Variants in PSD3 observed in about 807,000 individuals in gnomAD.
The protein encoded by PSD3 is pleckstrin and Sec7 domain containing 3, also known as PH and SEC7 domain-containing protein 3.
A neutral mutation model predicts 105.5 loss-of-function variants in PSD3; 49 were observed. That is an observed-to-expected ratio of 0.46 (90% confidence interval 0.37 to 0.59). The LOEUF (loss-of-function observed/expected upper bound fraction) is 0.59. Among genes scored for constraint, PSD3 ranks in the 20% least tolerant of loss-of-function variants. PSD3 has a pLI of 0.00. For synonymous variants in PSD3, 557 were observed against 457.8 expected, an observed-to-expected ratio of 1.22 and a Z score of -2.77; for missense variants, 1,561 against 1,263.8, an observed-to-expected ratio of 1.24 and a Z score of -3.57.
intron 10 of PSD3, among the ~76,000 whole-genome samples, chr8:18,635,696 A>G (rs112458885): frequency 0.044 from 6,704 of 152,228 alleles, 209 homozygotes; most frequent in East Asian, 0.089. Context: ...ATGGAATACT[A>G]TGGAGTCATA....
Position 18,611,277 on chromosome 8 carries a change from T to C in PSD3, c.2411-10843A>G, listed in dbSNP as rs184184963. On this transcript the variant is annotated intron_variant, in intron 11 of 15. Transcript: ENST00000327040. ...AAAAAAAAAAAAAAAAAGGTTTTTC[T>C]TTTAACCTTCACCTTTTGTACAGTA... is the stretch of plus-strand genomic sequence containing the variant. Among the ~76,000 whole-genome samples, 36 of 152,102 alleles carry C rather than the reference T, an allele frequency of 2.4e-4. 1 individual carries two copies. In the East Asian group the frequency reaches 6.4e-3, roughly 27 times the overall value.
chr8:18,932,661 T>C (rs894808678), intron 2 of PSD3, among the ~76,000 whole-genome samples: 15 of 152,224 alleles, frequency 9.9e-5, no homozygotes, highest in Non-Finnish European at 2.2e-4. Flanking sequence ...TTTCCTCACC[T>C]ACTTATTTTT....
At chr8:18,967,316 C>T (rs927614844) in intron 1 of PSD3, among the ~76,000 whole-genome samples, 6 of 151,966 alleles carry the variant, frequency 3.9e-5, no homozygotes, top group African/African-American at 1.2e-4. Flanking sequence ...CCACCATGCC[C>T]GGCTAATTTT....
chr8:18,831,481 G>T (rs1449229387), intron 4 of PSD3, among the ~76,000 whole-genome samples: 1 of 152,146 alleles, frequency 6.6e-6, no homozygotes, highest in Non-Finnish European at 1.5e-5. Context: ...CAGCACTTTG[G>T]GAGGCCGAGG....
At chr8:19,071,350 C>T (rs1478739445) in intron 1 of PSD3, among the ~76,000 whole-genome samples, 1 of 151,910 alleles carries the variant, frequency 6.6e-6, no homozygotes, top group Non-Finnish European at 1.5e-5. Flanking sequence ...TTCTTTATTT[C>T]TTAATGAATT....
At chr8:18,968,638 A>G (rs1017040216) in intron 1 of PSD3, among the ~76,000 whole-genome samples, 2 of 152,174 alleles carry the variant, frequency 1.3e-5, no homozygotes, top group Non-Finnish European at 2.9e-5. Flanking sequence ...GCACTTTGGG[A>G]GACCGAGGCA....
intron 2 of PSD3, among the ~76,000 whole-genome samples, chr8:18,925,567 G>C (rs1821308725): frequency 1.3e-5 from 2 of 151,970 alleles, no homozygotes; most frequent in South Asian, 4.2e-4. Context: ...CTGAAACGTT[G>C]GAGTGCCAAC....
At chr8:18,743,427 C>T (rs1186741249) in intron 9 of PSD3, among the ~76,000 whole-genome samples, 2 of 152,084 alleles carry the variant, frequency 1.3e-5, no homozygotes, top group Non-Finnish European at 2.9e-5. Context: ...TTCGAGCATG[C>T]TTACATTCTT....
chr8:18,635,797 C>T lies in PSD3; in HGVS notation c.2217-2991G>A, dbSNP rs1807205484. ...ACTAACACACGAATAGAAAACCAAA[C>T]ACCACATGTTCTCACTCATAAGTGA... is the stretch of plus-strand genomic sequence containing the variant. On this transcript the variant is annotated intron_variant, in intron 10 of 15. Coordinates refer to ENST00000327040, the MANE Select transcript of PSD3 (RefSeq NM_015310.4). Among the ~76,000 whole-genome samples, 3 of 151,556 alleles carry T rather than the reference C, an allele frequency of 2.0e-5. No individual in the cohort carries two copies. The South Asian group carries it at 6.2e-4, about 32-fold the overall frequency.
chr8:18,865,087 A>C (rs1816722913), intron 4 of PSD3: 1 of 151,412 alleles, frequency 6.6e-6, no homozygotes, highest in Non-Finnish European at 1.5e-5. Flanking sequence ...ATAACAAAAT[A>C]AAAGACCCAA....
In PSD3 at chr8:19,044,701, C is replaced by T. The variant is rs76251616; in HGVS notation, c.324+39505G>A. Reference sequence around the variant, plus strand: ...ACGACATACAAATATAATTAAAACACAAATGTACTGTGAGATTGAAAGAAC... The same window carrying T: ...ACGACATACAAATATAATTAAAACATAAATGTACTGTGAGATTGAAAGAAC... On this transcript the variant is annotated intron_variant, in intron 1 of 1. Transcript: ENST00000521475. Among the ~76,000 whole-genome samples the T allele has an allele frequency of 7.1e-3, 1,081 of 152,198 alleles. 6 individuals are homozygous for T. Among genetic ancestry groups the T allele is most frequent in the Non-Finnish European group, 0.011 (765 of 68,006 alleles).
At chr8:18,790,030 G>A (rs1364081504) in intron 8 of PSD3, among the ~76,000 whole-genome samples, 1 of 152,066 alleles carries the variant, frequency 6.6e-6, no homozygotes, top group African/African-American at 2.4e-5. Flanking sequence ...ATATAAACCT[G>A]TTCTTAAAAA....
chr8:19,047,765 G>C (rs987428455), intron 1 of PSD3, among the ~76,000 whole-genome samples: 6 of 152,074 alleles, frequency 3.9e-5, no homozygotes, highest in African/African-American at 1.4e-4. Context: ...CCCTAAGAAT[G>C]GGTGTGCATT....
intron 1 of PSD3, among the ~76,000 whole-genome samples, chr8:18,993,659 A>C (rs971654729): frequency 6.6e-6 from 1 of 151,850 alleles, no homozygotes; most frequent in African/African-American, 2.4e-5. Context: ...AATAACACTG[A>C]AAGTTTGCCT....
At chr8:18,578,910 C>T (rs140090208) in intron 12 of PSD3, among the ~76,000 whole-genome samples, 12 of 152,108 alleles carry the variant, frequency 7.9e-5, no homozygotes, top group East Asian at 5.8e-4. Flanking sequence ...ACACTATATA[C>T]GGCATCAGTG....
intron 8 of PSD3, among the ~76,000 whole-genome samples, chr8:18,767,483 C>G (rs1354382762): frequency 1.3e-5 from 2 of 152,150 alleles, no homozygotes; most frequent in Non-Finnish European, 2.9e-5. Context: ...CACGGTGGCT[C>G]AAGCCTGTAA....
chr8:18,591,367 A>C (rs1184860824), intron 12 of PSD3, among the ~76,000 whole-genome samples: 1 of 152,144 alleles, frequency 6.6e-6, no homozygotes, highest in Non-Finnish European at 1.5e-5. Context: ...AATAGTGTGG[A>C]TACCTGGGCA....
At chr8:18,800,497 T>G (rs11786923) in intron 7 of PSD3, among the ~76,000 whole-genome samples, 55,850 of 152,074 alleles carry the variant, frequency 0.37, 11,451 homozygotes, top group Non-Finnish European at 0.46. Context: ...CTAGTCTCAG[T>G]GATTTACTCC....
At chr8:18,793,477 CCT>C (rs1372165783) in intron 8 of PSD3, among the ~76,000 whole-genome samples, 1 of 151,238 alleles carries the variant, frequency 6.6e-6, no homozygotes, top group East Asian at 1.9e-4. Flanking sequence ...CACATAGACC[CCT>C]GACCTTAAAG....
Sources: allele counts gnomAD v4.1 joint callset (sites outside exome capture counted in the v4.1 genomes callset), GRCh38; gene constraint gnomAD v4.1.1; transcripts MANE v1.5; gene names NCBI Gene and HGNC (gene_info 2026-07-23, HGNC 2026-07-21).